Variants in PDE7B observed in about 807,000 individuals in gnomAD.
PDE7B encodes the protein 3',5'-cyclic-AMP phosphodiesterase 7B.
PDE7B carries 29 observed loss-of-function variants against 56.2 expected under a neutral mutation model. That is an observed-to-expected ratio of 0.52 (90% CI 0.38 to 0.70). PDE7B has a LOEUF of 0.70. Ranked by LOEUF, PDE7B falls within the 30% of genes least tolerant of loss-of-function variation. The probability of loss-of-function intolerance (pLI) is 0.00; values close to 1 mark genes in which losing one functional copy is unlikely to be tolerated. For missense variants in PDE7B, 490 were observed against 565.0 expected, an observed-to-expected ratio of 0.87 and a Z score of 1.35; for synonymous variants, 197 against 196.9, an observed-to-expected ratio of 1.00 and a Z score of 0.00.
chr6:135,973,824 G>T (rs1329416285), intron 2 of PDE7B, among the ~76,000 whole-genome samples: 2 of 152,062 alleles, frequency 1.3e-5, no homozygotes, highest in African/African-American at 2.4e-5. Flanking sequence ...ATTATGTTTT[G>T]TTAGAAGATG....
At chr6:135,856,671 T>A (rs1250608437) in intron 1 of PDE7B, among the ~76,000 whole-genome samples, 1 of 152,094 alleles carries the variant, frequency 6.6e-6, no homozygotes, top group Non-Finnish European at 1.5e-5. Context: ...CTGCTCTGAG[T>A]GAGAGTTTAC....
intron 2 of PDE7B, chr6:136,047,571 A>G (rs181974380): frequency 3.3e-5 from 5 of 152,356 alleles, no homozygotes; most frequent in Admixed American, 6.5e-5. Context: ...AATGTCTCAA[A>G]TCCTCCAAAA....
chr6:135,918,861 G>C (rs1279224809), intron 1 of PDE7B, among the ~76,000 whole-genome samples: 3 of 152,144 alleles, frequency 2.0e-5, no homozygotes, highest in African/African-American at 4.8e-5. Context: ...AATGAACAAA[G>C]TGTTTCCGAT....
Position 136,148,470 on chromosome 6 carries a change from A to AAGGCAGGCAGGCAGGC in PDE7B, c.319-603_319-588dup, listed in dbSNP as rs71006787. On this transcript the variant is annotated intron_variant, in intron 4 of 12. Coordinates refer to ENST00000308191, the MANE Select transcript of PDE7B (RefSeq NM_018945.4). ...GTGGGAGGGAGGGAGGGAAGGAAGGAAGGCAGGCAGGCAGGCAGGCAGGCA... is the reference window on the plus strand; with the variant it reads ...GTGGGAGGGAGGGAGGGAAGGAAGGAAGGCAGGCAGGCAGGCAGGCAGGCAGGCAGGCAGGCAGGCA... Among the ~76,000 whole-genome samples, 642 of 130,226 alleles carry AAGGCAGGCAGGCAGGC rather than the reference A, an allele frequency of 4.9e-3. 8 individuals carry two copies. Among genetic ancestry groups the AAGGCAGGCAGGCAGGC allele is most frequent in the African/African-American group, 0.018 (597 of 34,024 alleles). 85.4% of individuals were successfully genotyped at this position (130,226 alleles called of 152,430 possible).
At chr6:135,943,689 A>G (rs17065135) in intron 1 of PDE7B, among the ~76,000 whole-genome samples, 45,460 of 152,064 alleles carry the variant, frequency 0.3, 7,253 homozygotes, top group African/African-American at 0.42. Flanking sequence ...TAATGTGGGC[A>G]CAAATGTTAG....
intron 8 of PDE7B, among the ~76,000 whole-genome samples, chr6:136,164,287 C>T (rs528604997): frequency 2.6e-4 from 39 of 152,246 alleles, no homozygotes; most frequent in African/African-American, 8.9e-4. Flanking sequence ...GCCATCAGAT[C>T]TCATGAGAAC....
chr6:136,054,762 G>T (rs568806824), intron 2 of PDE7B, among the ~76,000 whole-genome samples: 7 of 152,118 alleles, frequency 4.6e-5, no homozygotes, highest in Non-Finnish European at 1.0e-4. Context: ...CCTTGAAGAG[G>T]ATGGACTCAC....
In PDE7B at chr6:135,898,391, G is replaced by A. The variant is rs77248483; in HGVS notation, c.21+46372G>A. On this transcript the variant is annotated intron_variant, in intron 1 of 12. Transcript: ENST00000308191. ...TTCTTTATTTTTTATAAAAGTACCT[G>A]TGAAAATTTTGGAAAATAAATTATA... Among the ~76,000 whole-genome samples, 4 of 152,184 alleles carry A rather than the reference G, an allele frequency of 2.6e-5. No individual in the cohort carries two copies. In the East Asian group the frequency reaches 7.7e-4, roughly 29 times the overall value.
chr6:136,012,098 C>T (rs1257736709), intron 2 of PDE7B, among the ~76,000 whole-genome samples: 1 of 152,116 alleles, frequency 6.6e-6, no homozygotes, highest in East Asian at 1.9e-4. Context: ...CTGGCTCAAA[C>T]TATGCTGCTT....
chr6:136,030,224 C>T (rs1235015300), intron 2 of PDE7B, among the ~76,000 whole-genome samples: 2 of 152,166 alleles, frequency 1.3e-5, no homozygotes, highest in African/African-American at 2.4e-5. Flanking sequence ...TTATTCTAAG[C>T]GTTCTTGTTT....
intron 2 of PDE7B, chr6:136,038,551 T>C: frequency 8.0e-7 from 1 of 1,256,858 alleles, no homozygotes; most frequent in Non-Finnish European, 1.0e-6. Context: ...TGGGGTGTAA[T>C]AGGTCACAGG....
At chr6:135,958,606 A>T (rs190634378) in intron 2 of PDE7B, among the ~76,000 whole-genome samples, 1 of 152,300 alleles carries the variant, frequency 6.6e-6, no homozygotes, top group African/African-American at 2.4e-5. Flanking sequence ...AAATTTTCAG[A>T]ATGAGACAAA....
At chr6:136,019,586 C>A (rs948479723) in intron 2 of PDE7B, among the ~76,000 whole-genome samples, 1 of 152,088 alleles carries the variant, frequency 6.6e-6, no homozygotes, top group Non-Finnish European at 1.5e-5. Context: ...ACAGTTGATC[C>A]TTGAATAATG....
At chr6:135,985,942 G>T (rs552301395) in intron 2 of PDE7B, among the ~76,000 whole-genome samples, 25 of 152,062 alleles carry the variant, frequency 1.6e-4, no homozygotes, top group Non-Finnish European at 2.9e-4. Flanking sequence ...GGCACCGGGC[G>T]ATGCTCTCCA....
At chr6:136,126,680 TTC>T (rs1778028041) in intron 3 of PDE7B, among the ~76,000 whole-genome samples, 3 of 152,184 alleles carry the variant, frequency 2.0e-5, no homozygotes, top group African/African-American at 4.8e-5. Context: ...GAGGCAATTA[TTC>T]TAAGTGAAGT....
At chr6:136,007,779 T>C (rs1775814212) in intron 2 of PDE7B, among the ~76,000 whole-genome samples, 1 of 152,026 alleles carries the variant, frequency 6.6e-6, no homozygotes, top group South Asian at 2.1e-4. Context: ...TAGTAGTTTC[T>C]GATGGTTATT....
intron 2 of PDE7B, among the ~76,000 whole-genome samples, chr6:136,052,873 A>G (rs530105409): frequency 7.2e-5 from 11 of 152,106 alleles, no homozygotes; most frequent in African/African-American, 2.4e-4. Flanking sequence ...CACTTCCCTC[A>G]TATGACTACA....
intron 2 of PDE7B, among the ~76,000 whole-genome samples, chr6:136,013,770 T>G (rs1290153468): frequency 3.3e-5 from 5 of 152,232 alleles, no homozygotes; most frequent in Non-Finnish European, 5.9e-5. Context: ...GCAGTAGGGT[T>G]AACTTGACTG....
intron 1 of PDE7B, among the ~76,000 whole-genome samples, chr6:135,928,836 G>T (rs1774247850): frequency 6.6e-6 from 1 of 151,914 alleles, no homozygotes; most frequent in African/African-American, 2.4e-5. Flanking sequence ...GGCAGTGTGG[G>T]TTGAAAAACA....
Sources: allele counts gnomAD v4.1 joint callset (sites outside exome capture counted in the v4.1 genomes callset), GRCh38; gene constraint gnomAD v4.1.1; transcripts MANE v1.5; gene names NCBI Gene and HGNC (gene_info 2026-07-23, HGNC 2026-07-21).